CSMD2: variants seen among roughly 807,000 people sequenced by gnomAD.
CSMD2 encodes the protein CUB and Sushi multiple domains 2, also known as CUB and sushi domain-containing protein 2.
Under a neutral mutation model 398.5 loss-of-function variants are expected in CSMD2, and 130 were observed. The observed-to-expected ratio is 0.33, with a 90% CI of 0.28 to 0.38. The LOEUF is 0.38. Among genes scored for constraint, CSMD2 ranks in the 10% least tolerant of loss-of-function variants. The pLI is 1.00. For missense variants in CSMD2, 3,829 were observed against 4,764.9 expected (o/e 0.80, Z 5.78); for synonymous variants, 1,828 against 1,908.5 (o/e 0.96, Z 1.10).
intron 3 of CSMD2, among the ~76,000 whole-genome samples, chr1:33,950,303 C>T (rs553828610): frequency 6.6e-6 from 1 of 152,110 alleles, no homozygotes; most frequent in African/African-American, 2.4e-5. Flanking sequence ...TAGCCCCACC[C>T]ATGTCTCCAA....
intron 3 of CSMD2, among the ~76,000 whole-genome samples, chr1:34,005,880 T>C (rs1020878144): frequency 6.6e-6 from 1 of 152,222 alleles, no homozygotes; most frequent in African/African-American, 2.4e-5. Context: ...CTCTCTGCCA[T>C]CCAGCAATAT....
At chr1:33,626,461 C>A (rs1022945535) in intron 33 of CSMD2, 25 bp downstream of exon 33, 2 of 1,538,138 alleles carry the variant, frequency 1.3e-6, no homozygotes, top group Non-Finnish European at 1.8e-6. Flanking sequence ...CACCTTCCTA[C>A]CTCCGGCGTC....
chr1:34,091,912 A>G (rs1658611793), intron 1 of CSMD2, among the ~76,000 whole-genome samples: 1 of 152,162 alleles, frequency 6.6e-6, no homozygotes, highest in African/African-American at 2.4e-5. Flanking sequence ...ACACAAGAAA[A>G]AGAAATGAGA....
intron 11 of CSMD2, among the ~76,000 whole-genome samples, chr1:33,791,687 C>T (rs1382111344): frequency 6.6e-6 from 1 of 152,124 alleles, no homozygotes; most frequent in African/African-American, 2.4e-5. Flanking sequence ...GGGTTTTCAA[C>T]ATGTTGCCCA....
chr1:33,868,696 A>C (rs1337626789), intron 5 of CSMD2, among the ~76,000 whole-genome samples: 4 of 152,068 alleles, frequency 2.6e-5, no homozygotes. Context: ...AGATTGCACC[A>C]TTGCACTCCA....
chr1:33,749,103 T>TTA (rs1219257749), intron 13 of CSMD2, among the ~76,000 whole-genome samples: 1 of 138,666 alleles, frequency 7.2e-6, no homozygotes, highest in Non-Finnish European at 1.6e-5. Flanking sequence ...TTTTTTTTTT[T>TTA]TTTTTTTTTT....
rs753962666 is a variant in CSMD2, at chr1:33,820,565, C to CAAAAAAAA, written c.1112-17_1112-10dup. 92 of 444,366 alleles carry CAAAAAAAA rather than the reference C, an allele frequency of 2.1e-4. 2 individuals are homozygous for CAAAAAAAA. Among genetic ancestry groups the CAAAAAAAA allele is most frequent in the South Asian group, 6.5e-4 (21 of 32,298 alleles). 27.5% of individuals were successfully genotyped at this position (444,366 alleles called of 1,614,324 possible). ...CACACCAACCTGAGTTACTACAAGG[C>CAAAAAAAA]AAAAAAAAAAAAAAAAAAAAAAACA... On this transcript the variant is annotated splice_polypyrimidine_tract_variant and intron_variant, in intron 7 of 70. Coordinates refer to ENST00000373381, the MANE Select transcript of CSMD2 (RefSeq NM_001281956.2).
At position 34,052,966 on chromosome 1, in the gene CSMD2, A is replaced by G. The variant is rs116614684; in HGVS notation, c.405-20260T>C. Among the ~76,000 whole-genome samples the G allele has an allele frequency of 9.6e-3, 1,468 of 152,212 alleles. 21 individuals are homozygous for G. The highest frequency in any genetic ancestry group is 0.031 in the African/African-American group (1,305 of 41,536). ...GCAAGGCTGAAACTGGGGGACAAAG[A>G]GCAAGCTGGTGATGGGAAGGAAGCA... On this transcript the variant is annotated intron_variant, in intron 2 of 70. Coordinates refer to ENST00000373381, the MANE Select transcript of CSMD2 (RefSeq NM_001281956.2).
At chr1:34,154,708 C>A (rs576769193) in intron 1 of CSMD2, among the ~76,000 whole-genome samples, 3 of 147,148 alleles carry the variant, frequency 2.0e-5, no homozygotes, top group Non-Finnish European at 4.4e-5. Flanking sequence ...CAACCCTACA[C>A]ATTTTATAAG....
intron 10 of CSMD2, among the ~76,000 whole-genome samples, chr1:33,795,801 C>A (rs533620983): frequency 6.6e-6 from 1 of 152,330 alleles, no homozygotes. Flanking sequence ...CAGTTCCTGT[C>A]GGTGGGCCAG....
At chr1:34,044,361 T>A (rs1328465348) in intron 2 of CSMD2, among the ~76,000 whole-genome samples, 1 of 152,190 alleles carries the variant, frequency 6.6e-6, no homozygotes. Context: ...ATGTAAACCT[T>A]CAAGGCTGGA....
intron 26 of CSMD2, among the ~76,000 whole-genome samples, chr1:33,658,899 T>C (rs576615304): frequency 4.6e-5 from 7 of 152,232 alleles, no homozygotes; most frequent in East Asian, 1.9e-4. Context: ...ATGTATTCAA[T>C]TGGAAGGGTT....
intron 16 of CSMD2, 96 bp from the exon 17 acceptor site, chr1:33,725,632 C>A: frequency 8.6e-7 from 1 of 1,160,048 alleles, no homozygotes; most frequent in Non-Finnish European, 1.3e-6. Context: ...TTCCGAATAA[C>A]CAGATTTTGG....
At chr1:33,639,335 C>A (rs1571043812) in intron 29 of CSMD2, among the ~76,000 whole-genome samples, 1 of 152,354 alleles carries the variant, frequency 6.6e-6, no homozygotes, top group East Asian at 1.9e-4. Flanking sequence ...GTAACTGCTG[C>A]ACCAGCATTG....
chr1:33,547,875 G>A (rs1317264411), intron 56 of CSMD2, among the ~76,000 whole-genome samples: 1 of 152,216 alleles, frequency 6.6e-6, no homozygotes, highest in Non-Finnish European at 1.5e-5. Flanking sequence ...GATGGTTAAC[G>A]TGGTTTGGCT....
chr1:33,961,767 C>T (rs1645369952), intron 3 of CSMD2, among the ~76,000 whole-genome samples: 1 of 152,110 alleles, frequency 6.6e-6, no homozygotes, highest in South Asian at 2.1e-4. Context: ...CCCTCTCTTG[C>T]CATGGGACAC....
intron 25 of CSMD2, among the ~76,000 whole-genome samples, chr1:33,679,361 C>G (rs1287865322): frequency 6.6e-6 from 1 of 152,058 alleles, no homozygotes; most frequent in Non-Finnish European, 1.5e-5. Context: ...GCCACCACAT[C>G]CAGCTAATTT....
chr1:33,917,253 C>A (rs1052933172), intron 5 of CSMD2, among the ~76,000 whole-genome samples: 2 of 152,226 alleles, frequency 1.3e-5, no homozygotes, highest in African/African-American at 4.8e-5. Flanking sequence ...GCAACTAAGG[C>A]TCCAACGATG....
At chr1:33,936,217 T>C (rs2125328707) in intron 3 of CSMD2, among the ~76,000 whole-genome samples, 1 of 152,378 alleles carries the variant, frequency 6.6e-6, no homozygotes, top group African/African-American at 2.4e-5. Flanking sequence ...TTGCCTTTTC[T>C]AATGCGCAGC....
Sources: allele counts gnomAD v4.1 joint callset (sites outside exome capture counted in the v4.1 genomes callset), GRCh38; gene constraint gnomAD v4.1.1; transcripts MANE v1.5; gene names NCBI Gene and HGNC (gene_info 2026-07-23, HGNC 2026-07-21).